Variants in PHYHIPL observed in about 807,000 individuals in gnomAD.
PHYHIPL encodes phytanoyl-CoA 2-hydroxylase interacting protein like.
In PHYHIPL, 9 loss-of-function variants were observed where a neutral mutation model predicts 33.4. That is an observed-to-expected ratio of 0.27 (90% confidence interval 0.16 to 0.47). The LOEUF (loss-of-function observed/expected upper bound fraction) is 0.47. PHYHIPL is among the 20% of genes least tolerant of loss of function. PHYHIPL has a pLI of 0.99. For missense variants in PHYHIPL, 365 were observed against 460.7 expected, an observed-to-expected ratio of 0.79 and a Z score of 1.90; for synonymous variants, 153 against 154.1, an observed-to-expected ratio of 0.99 and a Z score of 0.05.
intron 2 of PHYHIPL, among the ~76,000 whole-genome samples, chr10:59,235,907 C>T (rs187230890): frequency 6.6e-6 from 1 of 151,898 alleles, no homozygotes; most frequent in Admixed American, 6.6e-5. Context: ...TCTCCTTTAA[C>T]CTGTAAAATA....
At chr10:59,189,228 A>G (rs1274694884) in intron 1 of PHYHIPL, among the ~76,000 whole-genome samples, 1 of 152,042 alleles carries the variant, frequency 6.6e-6, no homozygotes, top group Non-Finnish European at 1.5e-5. Context: ...CCAATCTGTT[A>G]CAGTCTGAAA....
chr10:59,218,551 A>T (rs994231637), intron 1 of PHYHIPL, among the ~76,000 whole-genome samples: 1 of 152,166 alleles, frequency 6.6e-6, no homozygotes, highest in Admixed American at 6.6e-5. Flanking sequence ...AAGAGTTCTG[A>T]GAGAAGAGCT....
chr10:59,212,674 GT>G (rs1422934980), intron 1 of PHYHIPL, among the ~76,000 whole-genome samples: 3 of 152,174 alleles, frequency 2.0e-5, no homozygotes, highest in Non-Finnish European at 4.4e-5. Flanking sequence ...ACCTATTCTG[GT>G]TTGGGGAAGA....
At chr10:59,228,952 A>G (rs11006405) in intron 1 of PHYHIPL, among the ~76,000 whole-genome samples, 32,702 of 152,056 alleles carry the variant, frequency 0.22, 4,763 homozygotes, top group African/African-American at 0.41. Flanking sequence ...TCAAGGCAAA[A>G]CTGGTGGGAC....
intron 1 of PHYHIPL, among the ~76,000 whole-genome samples, chr10:59,203,019 C>G (rs1038208867): frequency 1.3e-5 from 2 of 152,166 alleles, no homozygotes; most frequent in Non-Finnish European, 2.9e-5. Context: ...ATCTACCCAT[C>G]TGACAAGGGC....
intron 1 of PHYHIPL, among the ~76,000 whole-genome samples, chr10:59,198,388 A>C (rs956577731): frequency 4.6e-5 from 7 of 152,148 alleles, no homozygotes; most frequent in Admixed American, 6.5e-5. Flanking sequence ...TGAACTCATC[A>C]TTTTTTATGG....
At chr10:59,186,369 C>G (rs1838602605) in intron 1 of PHYHIPL, among the ~76,000 whole-genome samples, 1 of 152,118 alleles carries the variant, frequency 6.6e-6, no homozygotes, top group Non-Finnish European at 1.5e-5. Flanking sequence ...GTTACCGTAG[C>G]CTTGTAGTAT....
rs1167105151 is a variant in PHYHIPL, at chr10:59,185,059, C to T, written c.106+8100C>T. Among the ~76,000 whole-genome samples, 3 of 142,366 alleles carry T rather than the reference C, an allele frequency of 2.1e-5. No individual in the cohort carries two copies. The East Asian group carries it at 6.3e-4, about 30-fold the overall frequency. The allele number at this position is 142,366 out of a possible 152,430, so 93.4% of individuals were successfully genotyped here. On this transcript the variant is annotated intron_variant, in intron 1 of 4. Transcript: ENST00000373880. ...AGACTGGAGTGCAGTGGCGGGATCT[C>T]GGCTCACTGCAAGCTCCGCCTCCCA...
chr10:59,209,676 A>C (rs1839390771), intron 1 of PHYHIPL, among the ~76,000 whole-genome samples: 1 of 152,206 alleles, frequency 6.6e-6, no homozygotes. Flanking sequence ...CTATACTACA[A>C]GGCTACAGTA....
In PHYHIPL at chr10:59,247,479, C is replaced by T; in HGVS notation, c.*1888C>T. The T allele has an allele frequency of 9.4e-7, 1 of 1,064,442 alleles. No homozygotes were observed. Among genetic ancestry groups the T allele is most frequent in the East Asian group, 2.4e-5 (1 of 41,068 alleles). 65.9% of individuals were successfully genotyped at this position (1,064,442 alleles called of 1,614,324 possible). On this transcript the variant is annotated 3_prime_UTR_variant, in exon 5 of 5. Coordinates refer to ENST00000373880, the MANE Select transcript of PHYHIPL (RefSeq NM_032439.4). ...TTGTATATAATTAAACTTGCTATTC[C>T]TTCTTAAAAACAGCTAATACTACCA...
rs544885161 is a variant in PHYHIPL at position 59,246,578 on chromosome 10, C to T, written c.*987C>T. 47 of 396,788 alleles carry T rather than the reference C, an allele frequency of 1.2e-4. No individual in the cohort carries two copies. The highest frequency in any genetic ancestry group is 9.0e-4 in the African/African-American group (44 of 48,674). 24.6% of individuals were successfully genotyped at this position (396,788 alleles called of 1,614,324 possible). A position where few individuals can be genotyped will look rare whatever the true frequency, so the allele number is the denominator to read the frequency against. ...AAAATGAAAATAATAAACATGTTTT[C>T]GTATAAAATAACACAAAATGATATA... On this transcript the variant is annotated 3_prime_UTR_variant, in exon 5 of 5. Transcript: ENST00000373880.
Position 59,245,444 on chromosome 10 carries a change from C to A in PHYHIPL, c.984C>A (p.Val328=). Residue 328 remains valine (V), a synonymous_variant, in exon 5 of 5, where the codon GTC becomes GTA. Transcript: ENST00000373880. ...GVLVYHHAQD[V]ILEVIYTDPV... ...TGGTTTACCACCATGCCCAGGATGTCATTTTAGAAGTCATTTACACTGACC... is the reference window on the plus strand; with the variant it reads ...TGGTTTACCACCATGCCCAGGATGTAATTTTAGAAGTCATTTACACTGACC... 13 of 1,614,120 alleles carry A rather than the reference C, an allele frequency of 8.1e-6. No individual in the cohort carries two copies. The highest frequency in any genetic ancestry group is 1.1e-5 in the Non-Finnish European group (13 of 1,180,022).
chr10:59,238,451 T>C (rs1840290914), intron 3 of PHYHIPL, 137 bp from the exon 4 acceptor site: 1 of 458,950 alleles, frequency 2.2e-6, no homozygotes, highest in Non-Finnish European at 3.9e-6. Context: ...ATGAATATTT[T>C]CTTTTTTAAA....
At chr10:59,185,317 G>A (rs1017040677) in intron 1 of PHYHIPL, among the ~76,000 whole-genome samples, 6 of 152,170 alleles carry the variant, frequency 3.9e-5, no homozygotes, top group Non-Finnish European at 5.9e-5. Context: ...TGGCTGCATA[G>A]TATTCCATGG....
Position 59,176,774 on chromosome 10 carries a change from C to T in PHYHIPL, c.-80C>T, listed in dbSNP as rs1318499091. ...TCCCTCCCTCTGCCACTCCCCCTCC[C>T]TTTCCCGCTCTTCTTGCCCACCCGG... On this transcript the variant is annotated 5_prime_UTR_variant, in exon 1 of 5. Coordinates refer to ENST00000373880, the MANE Select transcript of PHYHIPL (RefSeq NM_032439.4). 4 of 1,312,714 alleles carry T rather than the reference C, an allele frequency of 3.0e-6. No individual in the cohort carries two copies. The highest frequency in any genetic ancestry group is 4.2e-6 in the Non-Finnish European group (4 of 944,024). The allele number at this position is 1,312,714 out of a possible 1,614,324, so 81.3% of individuals were successfully genotyped here. A position where few individuals can be genotyped will look rare whatever the true frequency, so the allele number is the denominator to read the frequency against.
At chr10:59,243,308 A>T (rs142585992) in intron 4 of PHYHIPL, among the ~76,000 whole-genome samples, 43 of 152,334 alleles carry the variant, frequency 2.8e-4, no homozygotes, top group Admixed American at 5.9e-4. Context: ...ATATCCTTCA[A>T]TAATAAAAGG....
Position 59,227,975 on chromosome 10 carries a change from G to GATAT in PHYHIPL, c.107-6320_107-6317dup, listed in dbSNP as rs1554799094. Among the ~76,000 whole-genome samples, 973 of 145,566 alleles carry GATAT rather than the reference G, an allele frequency of 6.7e-3. 27 individuals are homozygous for GATAT. The highest frequency in any genetic ancestry group is 0.024 in the African/African-American group (917 of 37,652). ...TAAGATTTTAATTTTTGCCTATTGA[G>GATAT]ATATATATATATGTTTTAAATAACA... is the stretch of plus-strand genomic sequence containing the variant. On this transcript the variant is annotated intron_variant, in intron 1 of 4. Coordinates refer to ENST00000373880, the MANE Select transcript of PHYHIPL (RefSeq NM_032439.4).
chr10:59,210,843 A>G (rs867264725), intron 1 of PHYHIPL, among the ~76,000 whole-genome samples: 2 of 152,126 alleles, frequency 1.3e-5, no homozygotes, highest in South Asian at 2.1e-4. Flanking sequence ...CAAACACCAC[A>G]TGTTCTCACT....
At chr10:59,217,265 A>G (rs190738459) in intron 1 of PHYHIPL, among the ~76,000 whole-genome samples, 84 of 152,218 alleles carry the variant, frequency 5.5e-4, no homozygotes, top group Admixed American at 1.4e-3. Flanking sequence ...GTGCTGATCA[A>G]TTTTTTAAGC....
Sources: gnomAD v4.1 joint callset for allele counts (sites outside exome capture counted in the v4.1 genomes callset) on GRCh38, gnomAD v4.1.1 for gene constraint, MANE v1.5 for transcripts, NCBI Gene and HGNC (gene_info 2026-07-23, HGNC 2026-07-21) for gene names.